The following PTPRR variants were observed in gnomAD, a reference collection of about 807,000 sequenced individuals.
PTPRR encodes protein tyrosine phosphatase receptor type R.
In PTPRR, 38 loss-of-function variants were observed where a neutral mutation model predicts 77.2. That is an observed-to-expected ratio of 0.49 (90% CI 0.38 to 0.65). The LOEUF (loss-of-function observed/expected upper bound fraction) is 0.65. PTPRR is among the 30% of genes least tolerant of loss of function. PTPRR has a pLI of 0.00. For missense variants in PTPRR, 744 were observed against 799.2 expected (o/e 0.93, Z 0.83); for synonymous variants, 299 against 283.1 (o/e 1.06, Z -0.57).
intron 6 of PTPRR, among the ~76,000 whole-genome samples, chr12:70,738,201 A>T (rs1457039516): frequency 1.3e-5 from 2 of 152,202 alleles, no homozygotes; most frequent in East Asian, 3.9e-4. Context: ...TAGACTCACA[A>T]TCCTGGGTGT....
In PTPRR at chr12:70,897,420, G is replaced by A. The variant is rs543833395; in HGVS notation, c.59-4443C>T. On this transcript the variant is annotated intron_variant, in intron 1 of 13. Coordinates refer to ENST00000283228, the MANE Select transcript of PTPRR (RefSeq NM_002849.4). Reference sequence around the variant, plus strand: ...CATGAAAAAATGCTCATCATCACTGGCCATCAGAGAAATGCAAATCAAAAC... The same window carrying A: ...CATGAAAAAATGCTCATCATCACTGACCATCAGAGAAATGCAAATCAAAAC... Among the ~76,000 whole-genome samples the A allele has an allele frequency of 5.1e-3, 775 of 151,868 alleles. 6 individuals are homozygous for A. The highest frequency in any genetic ancestry group is 0.018 in the African/African-American group (742 of 41,420).
At chr12:70,698,466 A>T in intron 7 of PTPRR, 117 bp from the exon 8 acceptor site, 3 of 750,442 alleles carry the variant, frequency 4.0e-6, no homozygotes, top group Non-Finnish European at 6.6e-6. Flanking sequence ...AAAACAACAG[A>T]TCTAGCACCT....
intron 13 of PTPRR, among the ~76,000 whole-genome samples, chr12:70,647,106 C>T (rs1039814681): frequency 2.0e-5 from 3 of 151,774 alleles, no homozygotes; most frequent in African/African-American, 4.8e-5. Context: ...TAAGGATGTA[C>T]AGGCAACTAC....
rs1890773075 is a variant in PTPRR, at chr12:70,764,708, G to A, written c.428C>T (p.Ala143Val). ...LRIFRQGVAA[A>V]LGLLPQQVHI... ...CACTTGCTGGGGTAAGAGTCCTAAA[G>A]CTGCAGCCACTCCTTGGCGGAAGAT... Residue 143 changes from alanine to valine, a missense_variant, in exon 3 of 14, where the codon GCT (alanine) becomes GTT (valine). Coordinates refer to ENST00000283228, the MANE Select transcript of PTPRR (RefSeq NM_002849.4). The A allele has an allele frequency of 6.2e-7, 1 of 1,614,112 alleles. No homozygotes were observed. The highest frequency in any genetic ancestry group is 8.5e-7 in the Non-Finnish European group (1 of 1,179,998).
intron 2 of PTPRR, among the ~76,000 whole-genome samples, chr12:70,835,544 G>A (rs1219484921): frequency 2.0e-5 from 3 of 152,106 alleles, no homozygotes; most frequent in Admixed American, 1.3e-4. Flanking sequence ...TTGTTACACT[G>A]CCAGCCAAGC....
chr12:70,865,142 C>G (rs976936767), intron 2 of PTPRR, among the ~76,000 whole-genome samples: 1 of 152,034 alleles, frequency 6.6e-6, no homozygotes, highest in Admixed American at 6.6e-5. Context: ...ACGGGTTTCT[C>G]CTTTTGTTTG....
chr12:70,781,254 C>A (rs1891197367), intron 2 of PTPRR, among the ~76,000 whole-genome samples: 1 of 152,072 alleles, frequency 6.6e-6, no homozygotes. Context: ...TGTTAGGTAG[C>A]CTTATTTCAG....
intron 2 of PTPRR, among the ~76,000 whole-genome samples, chr12:70,804,933 A>G (rs754485893): frequency 4.0e-4 from 61 of 152,346 alleles, no homozygotes; most frequent in Non-Finnish European, 7.3e-4. Context: ...ATAAAGAAAT[A>G]AAGATCATGT....
intron 1 of PTPRR, among the ~76,000 whole-genome samples, chr12:70,913,302 C>T (rs1288933652): frequency 6.6e-6 from 1 of 152,110 alleles, no homozygotes; most frequent in East Asian, 1.9e-4. Flanking sequence ...AATATTCAGA[C>T]ATTTTGTGTG....
intron 6 of PTPRR, among the ~76,000 whole-genome samples, chr12:70,740,938 C>A (rs1890026937): frequency 6.6e-6 from 1 of 152,062 alleles, no homozygotes; most frequent in African/African-American, 2.4e-5. Context: ...CTTAAAACTG[C>A]CAGAAAAGCT....
At chr12:70,812,233 AT>A (rs1891821237) in intron 2 of PTPRR, among the ~76,000 whole-genome samples, 1 of 152,216 alleles carries the variant, frequency 6.6e-6, no homozygotes, top group African/African-American at 2.4e-5. Flanking sequence ...GTAAATGGCA[AT>A]ATAATTGCAC....
intron 2 of PTPRR, among the ~76,000 whole-genome samples, chr12:70,794,046 T>C (rs930168034): frequency 2.6e-5 from 4 of 152,188 alleles, no homozygotes; most frequent in Non-Finnish European, 5.9e-5. Context: ...TCTTTACTAA[T>C]GAACTATTTA....
At chr12:70,875,342 T>C (rs1276935879) in intron 2 of PTPRR, among the ~76,000 whole-genome samples, 3 of 152,200 alleles carry the variant, frequency 2.0e-5, no homozygotes, top group African/African-American at 7.2e-5. Context: ...TATGAGTGTA[T>C]GATTATTTAA....
intron 2 of PTPRR, among the ~76,000 whole-genome samples, chr12:70,840,439 C>T (rs1368186428): frequency 1.3e-5 from 2 of 152,186 alleles, no homozygotes; most frequent in African/African-American, 4.8e-5. Flanking sequence ...GTTCCATCTG[C>T]AGTCCTTTGC....
At chr12:70,716,351 A>AGT (rs61184482) in intron 6 of PTPRR, among the ~76,000 whole-genome samples, 14 of 149,920 alleles carry the variant, frequency 9.3e-5, no homozygotes, top group African/African-American at 3.2e-4. Flanking sequence ...AAAAAAAAAA[A>AGT]GTTTGCCTCT....
At chr12:70,661,981 G>A (rs1886814818) in intron 11 of PTPRR, among the ~76,000 whole-genome samples, 1 of 152,160 alleles carries the variant, frequency 6.6e-6, no homozygotes. Flanking sequence ...AGTTAAATAA[G>A]ATAGTTTTCC....
At chr12:70,714,212 A>G (rs1709986719) in intron 6 of PTPRR, among the ~76,000 whole-genome samples, 1 of 152,202 alleles carries the variant, frequency 6.6e-6, no homozygotes, top group African/African-American at 2.4e-5. Context: ...ATAAATATCT[A>G]TTAATTCAAA....
chr12:70,669,082 C>T (rs1173397056), intron 10 of PTPRR, among the ~76,000 whole-genome samples: 2 of 152,136 alleles, frequency 1.3e-5, no homozygotes, highest in Non-Finnish European at 2.9e-5. Flanking sequence ...TTATTAATGA[C>T]ATGGAGAATA....
chr12:70,773,387 T>G (rs919527158), intron 2 of PTPRR, among the ~76,000 whole-genome samples: 3 of 152,178 alleles, frequency 2.0e-5, no homozygotes, highest in Non-Finnish European at 4.4e-5. Flanking sequence ...AGCCAGAGAA[T>G]TGACCAAGAA....
Sources: allele counts gnomAD v4.1 joint callset (sites outside exome capture counted in the v4.1 genomes callset), GRCh38; gene constraint gnomAD v4.1.1; transcripts MANE v1.5; gene names NCBI Gene and HGNC (gene_info 2026-07-23, HGNC 2026-07-21).